Variants in CEP63 observed in about 807,000 individuals in gnomAD.
CEP63 encodes the protein centrosomal protein 63.
CEP63 carries 84 observed loss-of-function variants against 89.1 expected under a neutral mutation model. The ratio of observed to expected loss-of-function variants is 0.94; its 90% confidence interval spans 0.79 to 1.13. The LOEUF (loss-of-function observed/expected upper bound fraction) is 1.13. Among genes scored for constraint, CEP63 ranks in the 50% most tolerant of loss-of-function variants. The pLI, the probability that CEP63 is intolerant of heterozygous loss-of-function variation, is 0.00. For missense variants in CEP63, 838 were observed against 813.3 expected (o/e 1.03, Z -0.37); for synonymous variants, 267 against 272.5 (o/e 0.98, Z 0.20).
intron 14 of CEP63, among the ~76,000 whole-genome samples, chr3:134,560,718 CTG>C (rs1957194157): frequency 6.6e-6 from 1 of 152,040 alleles, no homozygotes; most frequent in African/African-American, 2.4e-5. Flanking sequence ...ATTATGCTCT[CTG>C]TGTGGGGTAT....
the CEP63 span, among the ~76,000 whole-genome samples, chr3:134,774,224 A>T: frequency 0.84 from 127,878 of 152,090 alleles, 53,865 homozygotes; most frequent in East Asian, 0.92. Flanking sequence ...ATTTCCTCCC[A>T]CAGGGTCTCT....
the CEP63 span, chr3:134,651,625 C>A: frequency 5.1e-6 from 5 of 987,224 alleles, no homozygotes; most frequent in South Asian, 1.4e-4. Context: ...GAGCTCCCCC[C>A]AGTTACGGCC....
At chr3:134,626,727 A>G in the CEP63 span, among the ~76,000 whole-genome samples, 1 of 152,180 alleles carries the variant, frequency 6.6e-6, no homozygotes, top group Non-Finnish European at 1.5e-5. Flanking sequence ...TTGAGAGGCA[A>G]TGCCCACTTA....
chr3:134,627,538 C>T, the CEP63 span, among the ~76,000 whole-genome samples: 1 of 152,164 alleles, frequency 6.6e-6, no homozygotes, highest in Non-Finnish European at 1.5e-5. Context: ...TATACTTTAG[C>T]TTTAGGATGA....
the CEP63 span, among the ~76,000 whole-genome samples, chr3:134,680,060 C>A: frequency 1.3e-5 from 2 of 152,128 alleles, no homozygotes; most frequent in Non-Finnish European, 2.9e-5. Context: ...GATTAAGACA[C>A]AGACACACAC....
rs773259806 is a variant in CEP63 at position 134,495,283 on chromosome 3, TTTTC to T, written c.-25-9_-25-6del. On this transcript the variant is annotated splice_polypyrimidine_tract_variant and intron_variant, in intron 1 of 14. Transcript: ENST00000675561. ...ATGAATTGTCTCATGACTGATATTT[TTTTC>T]TTTGTCAGTTGCCAAAACAAAGGGG... is the stretch of plus-strand genomic sequence containing the variant. The T allele has an allele frequency of 4.4e-6, 7 of 1,596,280 alleles. No individual in the cohort carries two copies. Among genetic ancestry groups the T allele is most frequent in the South Asian group, 3.3e-5 (3 of 90,680 alleles).
chr3:134,615,778 T>G, the CEP63 span, among the ~76,000 whole-genome samples: 10 of 152,334 alleles, frequency 6.6e-5, no homozygotes, highest in African/African-American at 2.4e-4. Flanking sequence ...AGATGGCCAC[T>G]GCCTATCTTT....
chr3:134,656,710 A>G, the CEP63 span, among the ~76,000 whole-genome samples: 1 of 152,106 alleles, frequency 6.6e-6, no homozygotes, highest in Non-Finnish European at 1.5e-5. Flanking sequence ...CTGGGCTCAG[A>G]TGGAGAGGAC....
intron 3 of CEP63, among the ~76,000 whole-genome samples, chr3:134,521,489 T>C (rs1281051396): frequency 6.6e-6 from 1 of 152,228 alleles, no homozygotes; most frequent in Non-Finnish European, 1.5e-5. Flanking sequence ...GAACATGACT[T>C]AGCATGTTTG....
chr3:134,740,266 TTTTATTTATTTATTTATTTA>T, the CEP63 span, among the ~76,000 whole-genome samples: 824 of 140,928 alleles, frequency 5.8e-3, 12 homozygotes, highest in African/African-American at 0.019. Context: ...TATTCTTTTC[TTTTATTTATTTATTTATTTA>T]TTTATTTATT....
downstream of CEP63, among the ~76,000 whole-genome samples, chr3:134,589,259 A>G (rs1210145764): frequency 6.6e-6 from 1 of 152,230 alleles, no homozygotes; most frequent in Non-Finnish European, 1.5e-5. Flanking sequence ...AAAGACAAGT[A>G]CAGACTCTCT....
At chr3:134,614,062 T>C in the CEP63 span, among the ~76,000 whole-genome samples, 237 of 152,168 alleles carry the variant, frequency 1.6e-3, 1 homozygote, top group African/African-American at 5.1e-3. Context: ...GTGCTGATAG[T>C]TGGAAGGAGG....
chr3:134,492,070 C>CTTTTTTTTTT (rs74269453), intron 1 of CEP63, among the ~76,000 whole-genome samples: 5 of 103,672 alleles, frequency 4.8e-5, no homozygotes, highest in Non-Finnish European at 5.5e-5. Context: ...TATTTGTATT[C>CTTTTTTTTTT]TTTTTTTTTT....
At chr3:134,677,313 C>T in the CEP63 span, among the ~76,000 whole-genome samples, 1 of 152,228 alleles carries the variant, frequency 6.6e-6, no homozygotes, top group African/African-American at 2.4e-5. Context: ...CCTCATTTCA[C>T]TCAAATCTCC....
chr3:134,639,203 G>A, the CEP63 span, among the ~76,000 whole-genome samples: 2 of 152,196 alleles, frequency 1.3e-5, no homozygotes, highest in African/African-American at 4.8e-5. Context: ...CACCCAGGAT[G>A]CAGTAGTCAG....
chr3:134,636,950 AAACCTC>A, the CEP63 span, among the ~76,000 whole-genome samples: 5 of 152,154 alleles, frequency 3.3e-5, no homozygotes, highest in East Asian at 9.6e-4. Flanking sequence ...TGATTTTGTA[AAACCTC>A]CTTTTACTAA....
the CEP63 span, among the ~76,000 whole-genome samples, chr3:134,677,598 T>A: frequency 6.6e-6 from 1 of 152,130 alleles, no homozygotes; most frequent in Non-Finnish European, 1.5e-5. Context: ...TCCTGGACAT[T>A]TGTGCCTCAC....
chr3:134,668,967 T>A, the CEP63 span, among the ~76,000 whole-genome samples: 1,711 of 152,264 alleles, frequency 0.011, 33 homozygotes, highest in African/African-American at 0.039. Context: ...GGAAGCTGAC[T>A]GGTGCGGTCT....
At chr3:134,528,225 C>T (rs1038303353) in intron 3 of CEP63, among the ~76,000 whole-genome samples, 5 of 152,150 alleles carry the variant, frequency 3.3e-5, no homozygotes, top group Admixed American at 2.6e-4. Flanking sequence ...CTGTGTCTTC[C>T]CTCCATCCAC....
Sources: gnomAD v4.1 joint callset for allele counts (sites outside exome capture counted in the v4.1 genomes callset) on GRCh38, gnomAD v4.1.1 for gene constraint, MANE v1.5 for transcripts, NCBI Gene and HGNC (gene_info 2026-07-23, HGNC 2026-07-21) for gene names.